Variants in TYW1 observed in about 807,000 individuals in gnomAD.
TYW1 encodes the protein S-adenosyl-L-methionine-dependent tRNA 4-demethylwyosine synthase TYW1.
In TYW1, 46 loss-of-function variants were observed where a neutral mutation model predicts 96.2. The ratio of observed to expected loss-of-function variants is 0.48; its 90% CI spans 0.38 to 0.61. TYW1 has a LOEUF of 0.61. Among genes scored for constraint, TYW1 ranks in the 20% least tolerant of loss-of-function variants. The probability of loss-of-function intolerance (pLI) is 0.00; values close to 1 mark genes in which losing one functional copy is unlikely to be tolerated. For missense variants in TYW1, 684 were observed against 909.6 expected, an observed-to-expected ratio of 0.75 and a Z score of 3.19; for synonymous variants, 274 against 323.0, an observed-to-expected ratio of 0.85 and a Z score of 1.63.
intron 13 of TYW1, among the ~76,000 whole-genome samples, chr7:67,144,999 T>C (rs1370848878): frequency 7.8e-6 from 1 of 127,410 alleles, no homozygotes; most frequent in African/African-American, 3.2e-5. Flanking sequence ...TGCTTCTTGC[T>C]GGTGCTGGCA....
intron 3 of TYW1, among the ~76,000 whole-genome samples, chr7:67,005,449 A>T (rs1056470414): frequency 1.3e-5 from 2 of 152,214 alleles, no homozygotes; most frequent in Non-Finnish European, 2.9e-5. Context: ...TTCAAAAATT[A>T]GCCAGGCATG....
chr7:67,220,410 A>C (rs915456340), intron 15 of TYW1, among the ~76,000 whole-genome samples: 4 of 151,924 alleles, frequency 2.6e-5, no homozygotes, highest in Admixed American at 2.6e-4. Flanking sequence ...TCACCGTGTT[A>C]GCCAGGATAG....
intron 7 of TYW1, among the ~76,000 whole-genome samples, chr7:67,033,286 C>T (rs938852314): frequency 1.3e-5 from 2 of 152,142 alleles, no homozygotes; most frequent in African/African-American, 2.4e-5. Context: ...GTCTGCTCTA[C>T]TTGACCAATG....
intron 2 of TYW1, 118 bp downstream of exon 2, chr7:66,998,313 A>G: frequency 7.7e-7 from 1 of 1,301,048 alleles, no homozygotes; most frequent in Admixed American, 2.8e-5. Context: ...ATTTTAATGA[A>G]ATGCCTAAAA....
intron 12 of TYW1, among the ~76,000 whole-genome samples, chr7:67,100,499 CT>C (rs990124139): frequency 1.2e-4 from 18 of 151,466 alleles, no homozygotes; most frequent in African/African-American, 3.9e-4. Flanking sequence ...AAAAAAAGAT[CT>C]TTTTGAATTC....
chr7:67,088,335 A>C (rs1796611502), intron 11 of TYW1, among the ~76,000 whole-genome samples: 1 of 152,116 alleles, frequency 6.6e-6, no homozygotes, highest in Admixed American at 6.6e-5. Context: ...ATATTGCTGT[A>C]AAATTATGAT....
chr7:67,114,870 G>C (rs1316262177), intron 12 of TYW1, among the ~76,000 whole-genome samples: 2 of 152,110 alleles, frequency 1.3e-5, no homozygotes, highest in Non-Finnish European at 2.9e-5. Flanking sequence ...AATTCCTGGG[G>C]ACCTTTTCCT....
intron 13 of TYW1, among the ~76,000 whole-genome samples, chr7:67,152,672 G>T (rs1798840374): frequency 6.6e-6 from 1 of 152,070 alleles, no homozygotes; most frequent in African/African-American, 2.4e-5. Context: ...CATGATCTCG[G>T]CTCACTGTAC....
chr7:67,065,101 G>C (rs1277973226), intron 9 of TYW1, among the ~76,000 whole-genome samples: 1 of 152,172 alleles, frequency 6.6e-6, no homozygotes, highest in Non-Finnish European at 1.5e-5. Flanking sequence ...CCTCTGGGAA[G>C]CTCTCACTGG....
rs894587652 is a variant in TYW1, at chr7:67,226,957, C to T, written c.1978-11351C>T. On this transcript the variant is annotated intron_variant, in intron 15 of 15. Coordinates refer to ENST00000359626, the MANE Select transcript of TYW1 (RefSeq NM_018264.4). Reference sequence around the variant, plus strand: ...TAAGTATGATTGTATGTTTGGAAGACCCATTTAGAAAATAATAATTGACAC... The same window carrying T: ...TAAGTATGATTGTATGTTTGGAAGATCCATTTAGAAAATAATAATTGACAC... Among the ~76,000 whole-genome samples the T allele has an allele frequency of 5.3e-5, 8 of 152,184 alleles. 1 individual carries two copies. Among genetic ancestry groups the T allele is most frequent in the African/African-American group, 1.9e-4 (8 of 41,532 alleles).
intron 13 of TYW1, among the ~76,000 whole-genome samples, chr7:67,120,638 G>T (rs1270884652): frequency 1.3e-5 from 2 of 152,250 alleles, no homozygotes; most frequent in African/African-American, 4.8e-5. Flanking sequence ...GAGTTAAACA[G>T]CAGGAGCTGG....
intron 11 of TYW1, among the ~76,000 whole-genome samples, chr7:67,089,942 G>A (rs1032510025): frequency 4.6e-5 from 7 of 152,126 alleles, no homozygotes; most frequent in Non-Finnish European, 1.0e-4. Context: ...ATGGGGCTGA[G>A]GTTTCTTTAG....
intron 15 of TYW1, among the ~76,000 whole-genome samples, chr7:67,196,938 AG>A (rs1800414357): frequency 6.6e-6 from 1 of 152,192 alleles, no homozygotes; most frequent in South Asian, 2.1e-4. Context: ...GGAAAGCCAC[AG>A]GGTTAATTGA....
rs1795199152 is a variant in TYW1 at position 67,046,718 on chromosome 7, A to G, written c.985-3231A>G. ...GTTATAAACCATTACATTTCTTTTC[A>G]GAAACGAAATTACTACTGCATATGG... On this transcript the variant is annotated intron_variant, in intron 7 of 15. Transcript: ENST00000359626. 2.6e-5 allele frequency among the ~76,000 whole-genome samples: 4 copies of G among 152,338 alleles called. No individual in the cohort carries two copies. In the South Asian group the frequency reaches 8.3e-4, roughly 32 times the overall value.
intron 12 of TYW1, among the ~76,000 whole-genome samples, chr7:67,105,485 A>T (rs1797208229): frequency 6.6e-6 from 1 of 152,300 alleles, no homozygotes; most frequent in Middle Eastern, 3.4e-3. Context: ...TTTGGAGCCA[A>T]CGCTGAAAAA....
At chr7:67,173,041 C>T (rs557898981) in intron 13 of TYW1, among the ~76,000 whole-genome samples, 2 of 152,180 alleles carry the variant, frequency 1.3e-5, no homozygotes, top group East Asian at 3.9e-4. Context: ...TCTCAAAAAA[C>T]AAAAACAAAA....
At chr7:67,135,309 T>TC (rs1798215527) in intron 13 of TYW1, among the ~76,000 whole-genome samples, 1 of 141,806 alleles carries the variant, frequency 7.1e-6, no homozygotes, top group South Asian at 2.3e-4. Flanking sequence ...ACAGTTTTTT[T>TC]TTTTTTTTTT....
At chr7:67,230,796 G>A (rs748631714) in intron 15 of TYW1, among the ~76,000 whole-genome samples, 30 of 151,764 alleles carry the variant, frequency 2.0e-4, no homozygotes, top group Non-Finnish European at 3.4e-4. Context: ...GGGACTACAG[G>A]AGGCTGCCAG....
chr7:67,157,814 T>G (rs886764374), intron 13 of TYW1, among the ~76,000 whole-genome samples: 9 of 152,122 alleles, frequency 5.9e-5, no homozygotes, highest in African/African-American at 2.2e-4. Context: ...GAATGTCCCT[T>G]GATTAGGATT....
Sources: allele counts gnomAD v4.1 joint callset (sites outside exome capture counted in the v4.1 genomes callset), GRCh38; gene constraint gnomAD v4.1.1; transcripts MANE v1.5; gene names NCBI Gene and HGNC (gene_info 2026-07-23, HGNC 2026-07-21).